Variants in KCND2 observed in about 807,000 individuals in gnomAD.
KCND2 encodes potassium voltage-gated channel subfamily D member 2.
A neutral mutation model predicts 54.4 loss-of-function variants in KCND2; 16 were observed. That is an observed-to-expected ratio of 0.29 (90% CI 0.20 to 0.45). KCND2 has a LOEUF of 0.45. KCND2 is among the 20% of genes least tolerant of loss of function. The pLI is 1.00. For synonymous variants in KCND2, 317 were observed against 310.7 expected (o/e 1.02, Z -0.21); for missense variants, 486 against 824.2 (o/e 0.59, Z 5.02).
intron 1 of KCND2, among the ~76,000 whole-genome samples, chr7:120,434,177 C>T (rs775126919): frequency 3.9e-5 from 6 of 152,138 alleles, no homozygotes; most frequent in African/African-American, 7.2e-5. Flanking sequence ...TACCATTCAC[C>T]GTCTTACTCC....
chr7:120,444,858 C>A (rs1287572216), intron 1 of KCND2, among the ~76,000 whole-genome samples: 1 of 152,070 alleles, frequency 6.6e-6, no homozygotes, highest in African/African-American at 2.4e-5. Flanking sequence ...GCACAATTCC[C>A]ATTAACATCA....
At chr7:120,531,691 C>A (rs116348853) in intron 1 of KCND2, among the ~76,000 whole-genome samples, 1 of 152,066 alleles carries the variant, frequency 6.6e-6, no homozygotes, top group Non-Finnish European at 1.5e-5. Flanking sequence ...CTCATACCAG[C>A]GGTCAGTTCT....
chr7:120,743,591 A>C (rs908063570), intron 4 of KCND2, among the ~76,000 whole-genome samples: 1 of 152,202 alleles, frequency 6.6e-6, no homozygotes, highest in Admixed American at 6.5e-5. Flanking sequence ...GGGACAGGTC[A>C]GGCAAGGCTT....
chr7:120,404,219 TA>T (rs1194163491), intron 1 of KCND2, among the ~76,000 whole-genome samples: 1 of 152,150 alleles, frequency 6.6e-6, no homozygotes, highest in East Asian at 1.9e-4. Context: ...CTGAATTTAC[TA>T]AAAATGACAT....
intron 1 of KCND2, among the ~76,000 whole-genome samples, chr7:120,384,998 CTTT>C (rs372225817): frequency 5.5e-4 from 45 of 82,526 alleles, no homozygotes; most frequent in South Asian, 1.6e-3. Context: ...TTGTATATAA[CTTT>C]TTTTTTTTTT....
intron 1 of KCND2, among the ~76,000 whole-genome samples, chr7:120,525,476 A>G (rs974718637): frequency 6.6e-6 from 1 of 152,246 alleles, no homozygotes; most frequent in Non-Finnish European, 1.5e-5. Context: ...TTAAATCAGC[A>G]TAATAGAAGC....
At position 120,475,496 on chromosome 7, in the gene KCND2, T is replaced by A. The variant is rs550733923; in HGVS notation, c.1115+199749T>A. ...TTTTTAAACATCAAGGCATTTTTTT[T>A]ATTTCCATTTTCCATATCTGATGTT... On this transcript the variant is annotated intron_variant, in intron 1 of 5. Transcript: ENST00000331113. 7.9e-5 allele frequency among the ~76,000 whole-genome samples: 12 copies of A among 152,346 alleles called. No individual in the cohort carries two copies. In the South Asian group the frequency reaches 8.3e-4, roughly 11 times the overall value.
intron 2 of KCND2, among the ~76,000 whole-genome samples, chr7:120,739,323 C>T (rs1430902121): frequency 2.6e-5 from 4 of 151,920 alleles, no homozygotes; most frequent in Non-Finnish European, 5.9e-5. Flanking sequence ...CAACAATAAT[C>T]CCTTTTTGGA....
chr7:120,465,061 G>A (rs1465225407), intron 1 of KCND2, among the ~76,000 whole-genome samples: 2 of 152,128 alleles, frequency 1.3e-5, no homozygotes, highest in Non-Finnish European at 2.9e-5. Flanking sequence ...AGGTCATGGA[G>A]GACATTCCAA....
chr7:120,652,399 G>A (rs1014282824), intron 1 of KCND2, among the ~76,000 whole-genome samples: 1 of 152,098 alleles, frequency 6.6e-6, no homozygotes, highest in African/African-American at 2.4e-5. Flanking sequence ...AGGGGACATG[G>A]ATCAGAGTAG....
intron 1 of KCND2, among the ~76,000 whole-genome samples, chr7:120,439,100 G>C (rs1312940831): frequency 6.6e-6 from 1 of 152,036 alleles, no homozygotes; most frequent in East Asian, 1.9e-4. Flanking sequence ...GCTTTATTAA[G>C]AAAGTAGTCA....
At chr7:120,576,231 T>G (rs1158845133) in intron 1 of KCND2, among the ~76,000 whole-genome samples, 1 of 152,086 alleles carries the variant, frequency 6.6e-6, no homozygotes, top group Non-Finnish European at 1.5e-5. Context: ...AGATGAAAAA[T>G]TTTTGAATGA....
At chr7:120,721,024 A>G (rs1792659274) in intron 1 of KCND2, among the ~76,000 whole-genome samples, 2 of 152,110 alleles carry the variant, frequency 1.3e-5, no homozygotes, top group Admixed American at 6.6e-5. Context: ...TAAAAAAAAT[A>G]GTTTTCTAGT....
At chr7:120,439,866 AT>A (rs1433070776) in intron 1 of KCND2, among the ~76,000 whole-genome samples, 2 of 152,122 alleles carry the variant, frequency 1.3e-5, no homozygotes, top group East Asian at 3.9e-4. Context: ...ATAGTGTTCC[AT>A]TTTGTATATC....
chr7:120,374,669 T>TGG (rs1800812077), intron 1 of KCND2, among the ~76,000 whole-genome samples: 1 of 151,802 alleles, frequency 6.6e-6, no homozygotes, highest in East Asian at 1.9e-4. Flanking sequence ...GCAATTCAAG[T>TGG]CCTTCTTCAT....
chr7:120,305,493 CCTTA>C (rs1799639091), intron 1 of KCND2, among the ~76,000 whole-genome samples: 1 of 151,970 alleles, frequency 6.6e-6, no homozygotes. Flanking sequence ...AATGATAAAG[CCTTA>C]CTTGTTTTGT....
intron 1 of KCND2, among the ~76,000 whole-genome samples, chr7:120,338,650 T>C (rs1046809565): frequency 4.6e-5 from 7 of 152,186 alleles, no homozygotes; most frequent in African/African-American, 1.7e-4. Context: ...TTTTAAATTT[T>C]AAATTATGTT....
At chr7:120,745,726 C>T (rs754272875) in intron 4 of KCND2, 54 bp from the exon 5 acceptor site, 163 of 1,594,974 alleles carry the variant, frequency 1.0e-4, no homozygotes, top group Middle Eastern at 1.7e-4. Flanking sequence ...CTATGTATTT[C>T]GTTTTTAAAA....
chr7:120,536,940 T>C (rs1363385663), intron 1 of KCND2, among the ~76,000 whole-genome samples: 1 of 152,204 alleles, frequency 6.6e-6, no homozygotes, highest in Non-Finnish European at 1.5e-5. Flanking sequence ...ATCAACTTCT[T>C]TTAAATTCCT....
Sources: gnomAD v4.1 joint callset for allele counts (sites outside exome capture counted in the v4.1 genomes callset) on GRCh38, gnomAD v4.1.1 for gene constraint, MANE v1.5 for transcripts, NCBI Gene and HGNC (gene_info 2026-07-23, HGNC 2026-07-21) for gene names.